The following PLXDC2 variants were observed in gnomAD, a reference collection of about 807,000 sequenced individuals.
PLXDC2 encodes the protein plexin domain-containing protein 2.
In PLXDC2, 40 loss-of-function variants were observed where a neutral mutation model predicts 68.9. That is an observed-to-expected ratio of 0.58 (90% CI 0.45 to 0.76). The LOEUF is 0.76. Ranked by LOEUF, PLXDC2 falls within the 30% of genes least tolerant of loss-of-function variation. The pLI, the probability that PLXDC2 is intolerant of heterozygous loss-of-function variation, is 0.00. For missense variants in PLXDC2, 644 were observed against 661.9 expected (o/e 0.97, Z 0.30); for synonymous variants, 243 against 234.2 (o/e 1.04, Z -0.34).
chr10:19,821,625 A>G (rs1181923606), intron 1 of PLXDC2, among the ~76,000 whole-genome samples: 1 of 152,212 alleles, frequency 6.6e-6, no homozygotes, highest in African/African-American at 2.4e-5. Flanking sequence ...TGAACTGACT[A>G]GAACTATAGT....
At chr10:20,262,990 T>G (rs891527390) in intron 13 of PLXDC2, among the ~76,000 whole-genome samples, 1 of 152,228 alleles carries the variant, frequency 6.6e-6, no homozygotes, top group Non-Finnish European at 1.5e-5. Context: ...GAACTGCCCT[T>G]GCCACCCTTG....
At chr10:20,162,530 A>G (rs933301100) in intron 6 of PLXDC2, among the ~76,000 whole-genome samples, 1 of 152,198 alleles carries the variant, frequency 6.6e-6, no homozygotes, top group African/African-American at 2.4e-5. Flanking sequence ...TTCTATTAAT[A>G]GATTCTGCTT....
At chr10:20,251,509 A>T (rs1246771505) in intron 13 of PLXDC2, among the ~76,000 whole-genome samples, 1 of 152,174 alleles carries the variant, frequency 6.6e-6, no homozygotes, top group Non-Finnish European at 1.5e-5. Context: ...ATTGCTAGGC[A>T]TAAATTTTGT....
chr10:19,902,076 T>C (rs1838170497), intron 1 of PLXDC2, among the ~76,000 whole-genome samples: 2 of 152,208 alleles, frequency 1.3e-5, no homozygotes, highest in African/African-American at 4.8e-5. Flanking sequence ...GACTATGGCC[T>C]TATATTATAG....
chr10:20,051,458 A>G (rs1835900030), intron 3 of PLXDC2, among the ~76,000 whole-genome samples: 1 of 144,152 alleles, frequency 6.9e-6, no homozygotes, highest in African/African-American at 2.5e-5. Flanking sequence ...TATTATGGTT[A>G]TATTGTATCT....
intron 11 of PLXDC2, 84 bp from the exon 12 acceptor site, chr10:20,218,980 T>G: frequency 2.1e-6 from 3 of 1,442,366 alleles, no homozygotes; most frequent in Non-Finnish European, 1.9e-6. Context: ...CCAAGGCAGT[T>G]AGTAGACAAT....
intron 4 of PLXDC2, among the ~76,000 whole-genome samples, chr10:20,108,130 T>C (rs1833514936): frequency 6.6e-6 from 1 of 152,214 alleles, no homozygotes; most frequent in Non-Finnish European, 1.5e-5. Flanking sequence ...CCAATAAGCA[T>C]TGAATGAAAA....
At chr10:19,933,747 C>A (rs996029197) in intron 1 of PLXDC2, among the ~76,000 whole-genome samples, 1 of 151,040 alleles carries the variant, frequency 6.6e-6, no homozygotes, top group African/African-American at 2.4e-5. Flanking sequence ...CTTTCATTTT[C>A]CACTGAAAAG....
At chr10:20,036,157 G>A (rs978857085) in intron 2 of PLXDC2, among the ~76,000 whole-genome samples, 2 of 152,016 alleles carry the variant, frequency 1.3e-5, no homozygotes, top group East Asian at 1.9e-4. Context: ...TGTACCCCCC[G>A]CCCACTCCAA....
At chr10:19,985,346 T>C (rs2131623178) in intron 1 of PLXDC2, among the ~76,000 whole-genome samples, 1 of 152,350 alleles carries the variant, frequency 6.6e-6, no homozygotes, top group Non-Finnish European at 1.5e-5. Context: ...CAAATCAGGT[T>C]ATTTTTGCTC....
chr10:20,106,614 T>A (rs201037717), intron 4 of PLXDC2, among the ~76,000 whole-genome samples: 3 of 152,120 alleles, frequency 2.0e-5, no homozygotes, highest in East Asian at 3.9e-4. Context: ...GACCTTTCAG[T>A]CTCTCAAAGG....
intron 4 of PLXDC2, among the ~76,000 whole-genome samples, chr10:20,072,383 G>GAGAAAGAGGAAAGAAAGAAGAA (rs1836334194): frequency 7.9e-6 from 1 of 126,674 alleles, no homozygotes; most frequent in Non-Finnish European, 1.7e-5. Flanking sequence ...AAAATAAAGA[G>GAGAAAGAGGAAAGAAAGAAGAA]AGAAAGAGGA....
At chr10:20,192,344 C>T (rs934761550) in intron 9 of PLXDC2, among the ~76,000 whole-genome samples, 24 of 151,884 alleles carry the variant, frequency 1.6e-4, no homozygotes, top group African/African-American at 5.6e-4. Flanking sequence ...TACTAACCTC[C>T]GTTCAAAAAT....
chr10:20,046,220 T>C (rs76350626), intron 2 of PLXDC2, among the ~76,000 whole-genome samples: 2,573 of 152,222 alleles, frequency 0.017, 77 homozygotes, highest in African/African-American at 0.059. Context: ...AGGACCTTTT[T>C]GTTCTGGTGA....
chr10:20,030,345 G>A (rs1564662582), intron 2 of PLXDC2, among the ~76,000 whole-genome samples: 1 of 152,168 alleles, frequency 6.6e-6, no homozygotes, highest in South Asian at 2.1e-4. Flanking sequence ...CTTGTGACTT[G>A]TTCTGATGAA....
Position 19,899,319 on chromosome 10 carries a change from ATCATAAGGTCCGATT to A in PLXDC2, c.112+82131_112+82145del, listed in dbSNP as rs542267376. Among the ~76,000 whole-genome samples the A allele has an allele frequency of 1.1e-4, 17 of 152,308 alleles. No homozygotes were observed. The East Asian group carries it at 3.3e-3, about 29-fold the overall frequency. On this transcript the variant is annotated intron_variant, in intron 1 of 13. Transcript: ENST00000377252. ...TTCACTTAAGGAATAAGAATAAGTT[ATCATAAGGTCCGATT>A]TCTTTCCCAACCAGGTAGTTTATGA... is the stretch of plus-strand genomic sequence containing the variant.
intron 1 of PLXDC2, among the ~76,000 whole-genome samples, chr10:19,837,986 A>G (rs1001426255): frequency 2.3e-4 from 35 of 152,090 alleles, no homozygotes; most frequent in African/African-American, 7.5e-4. Context: ...CAATTCAATA[A>G]ATTTATATAT....
intron 4 of PLXDC2, among the ~76,000 whole-genome samples, chr10:20,084,327 A>G (rs963146072): frequency 1.3e-5 from 2 of 152,154 alleles, no homozygotes; most frequent in Non-Finnish European, 2.9e-5. Flanking sequence ...ACTTAAATTC[A>G]CTTAAGTCAC....
intron 1 of PLXDC2, among the ~76,000 whole-genome samples, chr10:19,927,263 G>A (rs762028640): frequency 1.1e-4 from 17 of 152,126 alleles, no homozygotes; most frequent in Non-Finnish European, 2.2e-4. Context: ...TATGAGTCAC[G>A]GGCATTGGGA....
Sources: allele counts gnomAD v4.1 joint callset (sites outside exome capture counted in the v4.1 genomes callset), GRCh38; gene constraint gnomAD v4.1.1; transcripts MANE v1.5; gene names NCBI Gene and HGNC (gene_info 2026-07-23, HGNC 2026-07-21).